Variants in PTPRM observed in about 807,000 individuals in gnomAD.
The protein encoded by PTPRM is receptor-type tyrosine-protein phosphatase mu.
Under a neutral mutation model 186.7 loss-of-function variants are expected in PTPRM, and 47 were observed. The observed-to-expected ratio is 0.25, with a 90% CI of 0.20 to 0.32. The LOEUF is 0.32. Among genes scored for constraint, PTPRM ranks in the 10% least tolerant of loss-of-function variants. The probability of loss-of-function intolerance (pLI) is 1.00; values close to 1 mark genes in which losing one functional copy is unlikely to be tolerated. For synonymous variants in PTPRM, 668 were observed against 674.9 expected, an observed-to-expected ratio of 0.99 and a Z score of 0.16; for missense variants, 1,494 against 1,865.0, an observed-to-expected ratio of 0.80 and a Z score of 3.66.
At position 7,920,518 on chromosome 18, in the gene PTPRM, T is replaced by C. The variant is rs569972860; in HGVS notation, c.548-6050T>C. ...ATCCCCCTCACATTTTGAATTTATG[T>C]TGTTTCAGTTTGCGTGTTTTTATAC... On this transcript the variant is annotated intron_variant, in intron 4 of 32. Coordinates refer to ENST00000580170, the MANE Select transcript of PTPRM (RefSeq NM_001105244.2). Among the ~76,000 whole-genome samples the C allele has an allele frequency of 1.8e-4, 27 of 152,292 alleles. No homozygotes were observed. In the South Asian group the frequency reaches 5.4e-3, roughly 30 times the overall value.
chr18:7,862,647 T>G (rs1268186792), intron 2 of PTPRM, among the ~76,000 whole-genome samples: 1 of 152,160 alleles, frequency 6.6e-6, no homozygotes, highest in Admixed American at 6.5e-5. Context: ...GAAAACAAAC[T>G]TGATAACTTT....
At chr18:7,921,558 T>A (rs2050867413) in intron 4 of PTPRM, among the ~76,000 whole-genome samples, 3 of 152,060 alleles carry the variant, frequency 2.0e-5, no homozygotes, top group Admixed American at 6.6e-5. Flanking sequence ...TTTTTTGTAT[T>A]TTTAATAGAG....
At chr18:7,733,874 CT>C (rs778290011) in intron 1 of PTPRM, among the ~76,000 whole-genome samples, 20 of 152,322 alleles carry the variant, frequency 1.3e-4, no homozygotes, top group African/African-American at 3.6e-4. Flanking sequence ...GGCAAGCCCC[CT>C]GGGCAGGTTC....
At chr18:7,886,184 G>A (rs138379501) in intron 2 of PTPRM, among the ~76,000 whole-genome samples, 218 of 152,304 alleles carry the variant, frequency 1.4e-3, no homozygotes, top group African/African-American at 4.8e-3. Context: ...AGAATCTGGC[G>A]TAAATCAGCT....
intron 1 of PTPRM, among the ~76,000 whole-genome samples, chr18:7,600,763 G>A (rs1189966185): frequency 6.6e-6 from 1 of 152,282 alleles, no homozygotes; most frequent in South Asian, 2.1e-4. Context: ...GCCTGCACCG[G>A]TAAGCTTGCT....
intron 1 of PTPRM, among the ~76,000 whole-genome samples, chr18:7,759,313 C>T (rs1598549486): frequency 6.6e-6 from 1 of 152,180 alleles, no homozygotes; most frequent in African/African-American, 2.4e-5. Flanking sequence ...AAGAGAGATC[C>T]AAGCCACAGA....
At chr18:8,322,131 C>T (rs1379207682) in intron 22 of PTPRM, among the ~76,000 whole-genome samples, 16 of 152,178 alleles carry the variant, frequency 1.1e-4, no homozygotes, top group Admixed American at 5.9e-4. Context: ...ATATTCACAG[C>T]AGGAACCTAT....
At chr18:7,908,368 T>G (rs1165454230) in intron 4 of PTPRM, among the ~76,000 whole-genome samples, 1 of 152,158 alleles carries the variant, frequency 6.6e-6, no homozygotes, top group Non-Finnish European at 1.5e-5. Flanking sequence ...CTATGCAAAA[T>G]TATGAAAGAA....
intron 7 of PTPRM, among the ~76,000 whole-genome samples, chr18:8,034,533 C>T (rs2086203027): frequency 6.6e-6 from 1 of 152,042 alleles, no homozygotes; most frequent in African/African-American, 2.4e-5. Context: ...TCTCATTCCA[C>T]AAAAGAGAAA....
At chr18:7,991,676 T>C (rs997234761) in intron 7 of PTPRM, among the ~76,000 whole-genome samples, 14 of 152,170 alleles carry the variant, frequency 9.2e-5, no homozygotes, top group Non-Finnish European at 1.5e-5. Flanking sequence ...GGTTTAGTTT[T>C]AAACTAATAA....
chr18:8,271,203 G>A (rs1269341788), intron 19 of PTPRM, among the ~76,000 whole-genome samples: 5 of 151,974 alleles, frequency 3.3e-5, no homozygotes, highest in Non-Finnish European at 7.4e-5. Context: ...TATTTACCAT[G>A]GATAGATACT....
At chr18:7,738,883 C>T (rs1394045893) in intron 1 of PTPRM, among the ~76,000 whole-genome samples, 1 of 152,088 alleles carries the variant, frequency 6.6e-6, no homozygotes, top group East Asian at 1.9e-4. Context: ...TGAGCATACT[C>T]AGATGTAATG....
At chr18:7,840,747 A>G (rs2046282077) in intron 2 of PTPRM, among the ~76,000 whole-genome samples, 1 of 152,224 alleles carries the variant, frequency 6.6e-6, no homozygotes, top group African/African-American at 2.4e-5. Context: ...GCCATTGGAA[A>G]CATATGGTAC....
At chr18:7,599,958 A>G (rs768406258) in intron 1 of PTPRM, among the ~76,000 whole-genome samples, 1 of 152,118 alleles carries the variant, frequency 6.6e-6, no homozygotes, top group African/African-American at 2.4e-5. Flanking sequence ...GTCTATCTGC[A>G]TGTCACTGCC....
At chr18:7,600,648 A>G (rs1398488257) in intron 1 of PTPRM, among the ~76,000 whole-genome samples, 3 of 152,120 alleles carry the variant, frequency 2.0e-5, no homozygotes, top group Non-Finnish European at 4.4e-5. Flanking sequence ...TCCCTTGCTC[A>G]TTCAGCAGTC....
intron 20 of PTPRM, among the ~76,000 whole-genome samples, chr18:8,313,037 A>G (rs2095281338): frequency 1.3e-5 from 2 of 152,208 alleles, no homozygotes; most frequent in African/African-American, 4.8e-5. Context: ...ACTTTCACCC[A>G]TTAGCATTTC....
intron 7 of PTPRM, among the ~76,000 whole-genome samples, chr18:8,019,440 C>T (rs756456915): frequency 4.6e-5 from 7 of 152,060 alleles, no homozygotes; most frequent in South Asian, 2.1e-4. Context: ...GACAAAATGG[C>T]GTGATAGACC....
chr18:8,209,065 G>C (rs1004640625), intron 14 of PTPRM, among the ~76,000 whole-genome samples: 4 of 152,336 alleles, frequency 2.6e-5, no homozygotes, highest in African/African-American at 9.6e-5. Flanking sequence ...GCTGTAAAAG[G>C]CTTCAGCTTT....
chr18:7,748,208 C>T (rs942804641), intron 1 of PTPRM, among the ~76,000 whole-genome samples: 3 of 152,210 alleles, frequency 2.0e-5, no homozygotes, highest in Non-Finnish European at 4.4e-5. Flanking sequence ...TCATACAAGG[C>T]TACTGAACAC....
Sources: allele counts gnomAD v4.1 joint callset (sites outside exome capture counted in the v4.1 genomes callset), GRCh38; gene constraint gnomAD v4.1.1; transcripts MANE v1.5; gene names NCBI Gene and HGNC (gene_info 2026-07-23, HGNC 2026-07-21).